The following AK5 variants were observed in gnomAD, a reference collection of about 807,000 sequenced individuals.
AK5 encodes adenylate kinase isoenzyme 5.
A neutral mutation model predicts 69.5 loss-of-function variants in AK5; 27 were observed. That is an observed-to-expected ratio of 0.39 (90% CI 0.29 to 0.54). The LOEUF (loss-of-function observed/expected upper bound fraction) is 0.54. Ranked by LOEUF, AK5 falls within the 20% of genes least tolerant of loss-of-function variation. The pLI, the probability that AK5 is intolerant of heterozygous loss-of-function variation, is 0.71. For synonymous variants in AK5, 260 were observed against 244.4 expected (o/e 1.06, Z -0.60); for missense variants, 531 against 700.4 (o/e 0.76, Z 2.73).
chr1:77,521,888 T>C lies in AK5; in HGVS notation c.1373T>C (p.Phe458Ser). 6.2e-7 allele frequency: 1 copy of C among 1,613,570 alleles called. No homozygotes were observed. Among genetic ancestry groups the C allele is most frequent in the Non-Finnish European group, 8.5e-7 (1 of 1,179,830 alleles). The change falls in exon 12 of 14, where the codon TTC (phenylalanine) becomes TCC (serine). Residue 458 changes from phenylalanine (F) to serine (S), a missense_variant. Transcript: ENST00000354567. Reference protein sequence around the residue: ...MVASLGDTRGFLIDGYPREVK... With the variant: ...MVASLGDTRGSLIDGYPREVK... ...GCCAGCCTCGGGGACACCAGGGGCT[T>C]CCTGATTGACGGCTATCCTCGGGAG...
intron 6 of AK5, among the ~76,000 whole-genome samples, chr1:77,390,086 T>C (rs1648322499): frequency 6.6e-6 from 1 of 152,216 alleles, no homozygotes; most frequent in Non-Finnish European, 1.5e-5. Flanking sequence ...AAGGTCTATT[T>C]TAACCCTGTA....
rs538263813 is a variant in AK5 at position 77,350,773 on chromosome 1, T to C, written c.891+10205T>C. 1.1e-4 allele frequency among the ~76,000 whole-genome samples: 17 copies of C among 152,272 alleles called. No individual in the cohort carries two copies. The South Asian group carries it at 3.3e-3, about 30-fold the overall frequency. On this transcript the variant is annotated intron_variant, in intron 6 of 13. Coordinates refer to ENST00000354567, the MANE Select transcript of AK5 (RefSeq NM_174858.3). ...TTTTGGTTTACCCTTTGGATAGTGT[T>C]CATGGCAAGGCTGAAAGGAAAGGAG...
At chr1:77,351,107 A>G (rs1662168817) in intron 6 of AK5, among the ~76,000 whole-genome samples, 1 of 152,230 alleles carries the variant, frequency 6.6e-6, no homozygotes, top group Non-Finnish European at 1.5e-5. Flanking sequence ...ATAAAAGAAT[A>G]ACTGGGCCGG....
At chr1:77,493,825 G>A (rs1296824371) in intron 10 of AK5, among the ~76,000 whole-genome samples, 1 of 152,190 alleles carries the variant, frequency 6.6e-6, no homozygotes, top group Admixed American at 6.5e-5. Flanking sequence ...ACCAACTAAT[G>A]AGATATCTTT....
chr1:77,411,435 G>A (rs894555526), intron 7 of AK5, among the ~76,000 whole-genome samples: 8 of 152,140 alleles, frequency 5.3e-5, no homozygotes, highest in African/African-American at 1.9e-4. Context: ...CTACCTCATT[G>A]CCTGGATAAA....
intron 6 of AK5, among the ~76,000 whole-genome samples, chr1:77,343,563 C>T (rs139091626): frequency 5.3e-5 from 8 of 152,216 alleles, no homozygotes; most frequent in African/African-American, 1.9e-4. Context: ...CTCCATGCAG[C>T]CGCTTTGCCT....
At chr1:77,410,957 C>T (rs932252125) in intron 6 of AK5, 24 bp from the exon 7 acceptor site, 2 of 1,602,046 alleles carry the variant, frequency 1.2e-6, no homozygotes, top group Non-Finnish European at 1.7e-6. Flanking sequence ...ACATTCCAAA[C>T]TTGTCTGTCC....
intron 13 of AK5, among the ~76,000 whole-genome samples, chr1:77,548,683 A>G (rs1659663281): frequency 6.6e-6 from 1 of 152,210 alleles, no homozygotes; most frequent in Non-Finnish European, 1.5e-5. Context: ...CAATGTTTGG[A>G]CCAGCCAACT....
intron 8 of AK5, among the ~76,000 whole-genome samples, chr1:77,435,445 C>G (rs917893746): frequency 6.6e-6 from 1 of 151,864 alleles, no homozygotes; most frequent in East Asian, 1.9e-4. Context: ...GTGAAGAGAC[C>G]GAGACCATCG....
intron 8 of AK5, among the ~76,000 whole-genome samples, chr1:77,454,108 C>G (rs759440532): frequency 1.8e-4 from 27 of 152,160 alleles, no homozygotes; most frequent in Non-Finnish European, 3.7e-4. Context: ...GTAGGCTGCT[C>G]TACTACGGCA....
chr1:77,455,111 A>G (rs973228914), intron 8 of AK5, among the ~76,000 whole-genome samples: 3 of 152,176 alleles, frequency 2.0e-5, no homozygotes, highest in African/African-American at 7.2e-5. Flanking sequence ...AGCCCGTTTC[A>G]TAGATGAGAA....
intron 2 of AK5, among the ~76,000 whole-genome samples, chr1:77,292,281 G>A (rs189216318): frequency 6.6e-6 from 1 of 152,294 alleles, no homozygotes; most frequent in African/African-American, 2.4e-5. Flanking sequence ...TTTTCCTGAT[G>A]TAGCCCTTCC....
chr1:77,436,268 T>A (rs984063726), intron 8 of AK5, among the ~76,000 whole-genome samples: 3 of 152,096 alleles, frequency 2.0e-5, no homozygotes, highest in Non-Finnish European at 4.4e-5. Context: ...AACATATTTT[T>A]ATCCCTTTCT....
chr1:77,375,596 T>G (rs1221625174), intron 6 of AK5, among the ~76,000 whole-genome samples: 1 of 152,190 alleles, frequency 6.6e-6, no homozygotes, highest in Non-Finnish European at 1.5e-5. Context: ...ATGGACTGGA[T>G]CTTCAGCTAT....
chr1:77,406,774 G>A (rs1446907479), intron 6 of AK5, among the ~76,000 whole-genome samples: 1 of 151,692 alleles, frequency 6.6e-6, no homozygotes, highest in Non-Finnish European at 1.5e-5. Context: ...TTGGAATAGT[G>A]CCAGTGTCCT....
intron 2 of AK5, among the ~76,000 whole-genome samples, chr1:77,291,046 G>A (rs1225306186): frequency 1.3e-5 from 2 of 152,322 alleles, no homozygotes; most frequent in East Asian, 3.9e-4. Flanking sequence ...AGAAAGCTAA[G>A]TGTGTGTTAG....
intron 8 of AK5, among the ~76,000 whole-genome samples, chr1:77,452,080 A>C (rs1303400426): frequency 6.6e-6 from 1 of 152,128 alleles, no homozygotes; most frequent in Non-Finnish European, 1.5e-5. Context: ...TCCACTTCGT[A>C]TTTTCCCCCT....
chr1:77,403,409 C>G (rs1649381614), intron 6 of AK5, among the ~76,000 whole-genome samples: 1 of 151,948 alleles, frequency 6.6e-6, no homozygotes, highest in Admixed American at 6.6e-5. Flanking sequence ...AGGTTTTCTT[C>G]TAGGGTTTTT....
rs147138028 is a variant in AK5, at chr1:77,405,879, G to A, written c.892-5102G>A. On this transcript the variant is annotated intron_variant, in intron 6 of 13. Transcript: ENST00000354567. ...AAGCTGGGGTGCAGCTCATAACATT[G>A]CCCTCCTTCTTTGCCTTACTCCCCT... Among the ~76,000 whole-genome samples the A allele has an allele frequency of 2.0e-3, 302 of 152,182 alleles. 2 individuals are homozygous for A. Among genetic ancestry groups the A allele is most frequent in the African/African-American group, 6.7e-3 (280 of 41,500 alleles).
Sources: gnomAD v4.1 joint callset for allele counts (sites outside exome capture counted in the v4.1 genomes callset) on GRCh38, gnomAD v4.1.1 for gene constraint, MANE v1.5 for transcripts, NCBI Gene and HGNC (gene_info 2026-07-23, HGNC 2026-07-21) for gene names.